Variants in CADM2 observed in about 807,000 individuals in gnomAD.
CADM2 encodes the protein cell adhesion molecule 2.
CADM2 carries 12 observed loss-of-function variants against 49.8 expected under a neutral mutation model. The observed-to-expected ratio is 0.24, with a 90% confidence interval of 0.15 to 0.39. CADM2 has a LOEUF of 0.39. Ranked by LOEUF, CADM2 falls within the 10% of genes least tolerant of loss-of-function variation. The pLI is 1.00. For missense variants in CADM2, 378 were observed against 492.3 expected, an observed-to-expected ratio of 0.77 and a Z score of 2.20; for synonymous variants, 214 against 175.4, an observed-to-expected ratio of 1.22 and a Z score of -1.74.
intron 1 of CADM2, among the ~76,000 whole-genome samples, chr3:85,256,772 T>C (rs1285874739): frequency 3.3e-5 from 5 of 152,092 alleles, no homozygotes; most frequent in Non-Finnish European, 7.4e-5. Context: ...ACTGTTTTGG[T>C]TGTTTTATTG....
chr3:85,693,090 A>T (rs890090603), intron 1 of CADM2, among the ~76,000 whole-genome samples: 1 of 152,030 alleles, frequency 6.6e-6, no homozygotes, highest in Admixed American at 6.6e-5. Flanking sequence ...CTCTACTAAA[A>T]ATACAAAAAT....
At chr3:85,672,084 G>A (rs1055352126) in intron 1 of CADM2, among the ~76,000 whole-genome samples, 2 of 151,798 alleles carry the variant, frequency 1.3e-5, no homozygotes, top group African/African-American at 4.8e-5. Context: ...AGACATTAAT[G>A]TAGGAAAATG....
intron 1 of CADM2, among the ~76,000 whole-genome samples, chr3:85,443,192 T>C (rs1319771278): frequency 6.6e-6 from 1 of 152,296 alleles, no homozygotes; most frequent in Admixed American, 6.5e-5. Flanking sequence ...ACAATTATTT[T>C]ATATTGTTTC....
At chr3:86,019,802 T>G (rs2107018905) in intron 8 of CADM2, among the ~76,000 whole-genome samples, 1 of 152,244 alleles carries the variant, frequency 6.6e-6, no homozygotes, top group East Asian at 1.9e-4. Context: ...GTTTTCTAGA[T>G]ATACAATCAT....
At chr3:85,432,562 T>C (rs1005386945) in intron 1 of CADM2, among the ~76,000 whole-genome samples, 8 of 152,118 alleles carry the variant, frequency 5.3e-5, no homozygotes, top group African/African-American at 1.9e-4. Flanking sequence ...CATCATTTCA[T>C]GTATTGGAGG....
At chr3:85,291,053 GA>G (rs2043778938) in intron 1 of CADM2, among the ~76,000 whole-genome samples, 2 of 152,140 alleles carry the variant, frequency 1.3e-5, no homozygotes, top group South Asian at 4.1e-4. Context: ...AAATTTAGAA[GA>G]ATGTATAATT....
chr3:85,368,191 C>G (rs2032940267), intron 1 of CADM2, among the ~76,000 whole-genome samples: 1 of 152,004 alleles, frequency 6.6e-6, no homozygotes, highest in Non-Finnish European at 1.5e-5. Flanking sequence ...AGTTTCAAGG[C>G]TCTGGATGAT....
Position 85,537,756 on chromosome 3 carries a change from G to GGA in CADM2, c.62-188766_62-188765insGA, listed in dbSNP as rs1553738503. Among the ~76,000 whole-genome samples, 521 of 149,390 alleles carry GGA rather than the reference G, an allele frequency of 3.5e-3. 3 individuals carry two copies. The highest frequency in any genetic ancestry group is 0.012 in the African/African-American group (495 of 40,910). On this transcript the variant is annotated intron_variant, in intron 1 of 9. Coordinates refer to ENST00000383699, the MANE Select transcript of CADM2 (RefSeq NM_001167675.2). ...TTCTGAGGACAATGGGATTCTGTGG[G>GGA]AAAAAAAAATGTTACCTATGACTCC... is the stretch of plus-strand genomic sequence containing the variant.
intron 1 of CADM2, among the ~76,000 whole-genome samples, chr3:85,168,712 C>T (rs1011805491): frequency 1.1e-4 from 17 of 152,082 alleles, no homozygotes; most frequent in African/African-American, 3.9e-4. Flanking sequence ...AATATTGATT[C>T]TGAAATAAAA....
intron 1 of CADM2, among the ~76,000 whole-genome samples, chr3:85,551,617 A>C (rs1441839682): frequency 6.6e-6 from 1 of 152,178 alleles, no homozygotes; most frequent in Non-Finnish European, 1.5e-5. Flanking sequence ...TACTTAAAGA[A>C]ACTGTTTCAT....
At chr3:85,540,339 G>A (rs1307593847) in intron 1 of CADM2, among the ~76,000 whole-genome samples, 1 of 152,014 alleles carries the variant, frequency 6.6e-6, no homozygotes. Context: ...TAGGTACTGG[G>A]CTCTATTTTA....
chr3:85,158,048 C>T (rs536153112), intron 1 of CADM2, among the ~76,000 whole-genome samples: 1 of 152,310 alleles, frequency 6.6e-6, no homozygotes, highest in South Asian at 2.1e-4. Flanking sequence ...ACAGACACTT[C>T]TCAAAAGAAG....
intron 8 of CADM2, among the ~76,000 whole-genome samples, chr3:86,026,350 G>GTT (rs1559809556): frequency 6.0e-5 from 9 of 149,624 alleles, no homozygotes; most frequent in African/African-American, 2.0e-4. Flanking sequence ...TTTTTTTTTT[G>GTT]GTTTTTTTTT....
At chr3:85,078,709 G>T (rs1165724243) in intron 1 of CADM2, among the ~76,000 whole-genome samples, 1 of 150,606 alleles carries the variant, frequency 6.6e-6, no homozygotes, top group Non-Finnish European at 1.5e-5. Context: ...CTTAAAATGA[G>T]CCTTTTACAA....
At chr3:85,740,897 T>C (rs1349471353) in intron 2 of CADM2, among the ~76,000 whole-genome samples, 1 of 152,206 alleles carries the variant, frequency 6.6e-6, no homozygotes, top group Non-Finnish European at 1.5e-5. Context: ...ACTCTTCATT[T>C]AGATCTTGGT....
At chr3:85,000,325 G>A (rs2107212132) in intron 1 of CADM2, among the ~76,000 whole-genome samples, 1 of 151,280 alleles carries the variant, frequency 6.6e-6, no homozygotes, top group East Asian at 1.9e-4. Context: ...ATGAGGCCTT[G>A]CTATGTTGCT....
At chr3:85,134,725 A>T (rs1015365379) in intron 1 of CADM2, among the ~76,000 whole-genome samples, 1 of 152,180 alleles carries the variant, frequency 6.6e-6, no homozygotes, top group Non-Finnish European at 1.5e-5. Context: ...ACCAAAGATT[A>T]TAACAACATA....
rs1739421609 is a variant in CADM2 at position 86,067,119 on chromosome 3, T to A, written c.*336T>A. 1 of 196,358 alleles carries A rather than the reference T, an allele frequency of 5.1e-6. No homozygotes were observed. The highest frequency in any genetic ancestry group is 2.4e-5 in the African/African-American group (1 of 42,156). 12.2% of individuals were successfully genotyped at this position (196,358 alleles called of 1,614,324 possible). A position where few individuals can be genotyped will look rare whatever the true frequency, so the allele number is the denominator to read the frequency against. ...ATACATTAAAAAATGTATGCAGAGTTTTTTTCCCCCATTTTTTCCCCTTTA... is the reference window on the plus strand; with the variant it reads ...ATACATTAAAAAATGTATGCAGAGTATTTTTCCCCCATTTTTTCCCCTTTA... On this transcript the variant is annotated 3_prime_UTR_variant, in exon 10 of 10. Coordinates refer to ENST00000383699, the MANE Select transcript of CADM2 (RefSeq NM_001167675.2).
chr3:85,641,337 C>T (rs1356067615), intron 1 of CADM2, among the ~76,000 whole-genome samples: 2 of 152,202 alleles, frequency 1.3e-5, no homozygotes, highest in African/African-American at 4.8e-5. Context: ...ACTCTCATCT[C>T]TAGCATCATG....
Sources: gnomAD v4.1 joint callset for allele counts (sites outside exome capture counted in the v4.1 genomes callset) on GRCh38, gnomAD v4.1.1 for gene constraint, MANE v1.5 for transcripts, NCBI Gene and HGNC (gene_info 2026-07-23, HGNC 2026-07-21) for gene names.